The following ARHGEF18 variants were observed in gnomAD, a reference collection of about 807,000 sequenced individuals.
ARHGEF18 encodes the protein Rho/Rac guanine nucleotide exchange factor 18.
In ARHGEF18, 93 loss-of-function variants were observed where a neutral mutation model predicts 155.7. That is an observed-to-expected ratio of 0.60 (90% CI 0.50 to 0.71). ARHGEF18 has a LOEUF of 0.71. ARHGEF18 is among the 30% of genes least tolerant of loss of function. ARHGEF18 has a pLI of 0.00. For missense variants in ARHGEF18, 1,593 were observed against 1,816.1 expected (o/e 0.88, Z 2.23); for synonymous variants, 742 against 753.1 (o/e 0.99, Z 0.24).
At chr19:7,351,628 G>A (rs909035871) in intron 1 of ARHGEF18, among the ~76,000 whole-genome samples, 2 of 150,424 alleles carry the variant, frequency 1.3e-5, no homozygotes, top group Non-Finnish European at 3.0e-5. Context: ...CAGCTAGAGT[G>A]GACTTCTTAA....
rs1178947006 is a variant in ARHGEF18 at position 7,369,307 on chromosome 19, C to T, written c.16-3505C>T. On this transcript the variant is annotated intron_variant, in intron 2 of 28. Coordinates refer to ENST00000668164, the MANE Select transcript of ARHGEF18 (RefSeq NM_001367823.1). The stretch of plus-strand genomic sequence containing the variant: ...AGAAACCCTATCTCTACTAAAAATA[C>T]GAAATTAGCTGGGCGTGGTGGCACA... 4.0e-5 allele frequency among the ~76,000 whole-genome samples: 6 copies of T among 151,556 alleles called. No individual in the cohort carries two copies. In the South Asian group the frequency reaches 8.3e-4, roughly 21 times the overall value.
In ARHGEF18 at chr19:7,395,098, G is replaced by A. The variant is rs1351003548; in HGVS notation, c.967+11895G>A. The A allele has an allele frequency of 3.0e-6, 3 of 985,410 alleles. No homozygotes were observed. Among genetic ancestry groups the A allele is most frequent in the African/African-American group, 3.5e-5 (2 of 57,250 alleles). The allele number at this position is 985,410 out of a possible 1,614,324, so 61.0% of individuals were successfully genotyped here. A position where few individuals can be genotyped will look rare whatever the true frequency, so the allele number is the denominator to read the frequency against. On this transcript the variant is annotated intron_variant, in intron 10 of 28. Coordinates refer to ENST00000668164, the MANE Select transcript of ARHGEF18 (RefSeq NM_001367823.1). The surrounding 1 kb of genome is among the most constrained non-coding windows in gnomAD (Gnocchi z 5.0). Reference sequence around the variant, plus strand: ...TGCCCCGCCTCCGAGGCGGGATCGCGCATGCGCTGCTCTCCTCGCGCGGCT... The same window carrying A: ...TGCCCCGCCTCCGAGGCGGGATCGCACATGCGCTGCTCTCCTCGCGCGGCT...
chr19:7,391,455 C>T (rs1971396723), intron 10 of ARHGEF18, among the ~76,000 whole-genome samples: 1 of 152,252 alleles, frequency 6.6e-6, no homozygotes, highest in African/African-American at 2.4e-5. Flanking sequence ...TATAATTCAA[C>T]CCCACCTATC....
At position 7,453,574 on chromosome 19, in the gene ARHGEF18, A is replaced by G. The variant is rs1975637346; in HGVS notation, c.1963A>G (p.Arg655Gly). 1.2e-6 allele frequency: 2 copies of G among 1,614,050 alleles called. No homozygotes were observed. Among genetic ancestry groups the G allele is most frequent in the Non-Finnish European group, 8.5e-7 (1 of 1,179,936 alleles). ...VSECEKGQRLREIAGKMDLKS... is the reference protein window; with the variant it reads ...VSECEKGQRLGEIAGKMDLKS... The stretch of plus-strand genomic sequence containing the variant: ...TGAGTGTGAGAAGGGCCAGCGCCTC[A>G]GGGAGATCGCAGGGAAGATGGACCT... Residue 655 changes from arginine to glycine, a missense_variant, in exon 17 of 29, where the codon AGG (arginine) becomes GGG (glycine). Coordinates refer to ENST00000668164, the MANE Select transcript of ARHGEF18 (RefSeq NM_001367823.1).
In ARHGEF18 at chr19:7,422,367, G is replaced by A. The variant is rs369383116; in HGVS notation, c.968-17977G>A. Among the ~76,000 whole-genome samples the A allele has an allele frequency of 3.1e-4, 34 of 110,088 alleles. 1 individual carries two copies. In the East Asian group the frequency reaches 3.8e-3, roughly 12 times the overall value. 72.2% of individuals were successfully genotyped at this position (110,088 alleles called of 152,430 possible). A position where few individuals can be genotyped will look rare whatever the true frequency, so the allele number is the denominator to read the frequency against. On this transcript the variant is annotated intron_variant, in intron 10 of 28. Transcript: ENST00000668164. ...GCTCCCGCCCATGCCCCCCCGCCCC[G>A]CGCAGCCTTCTGTCCTGTAACCACC...
intron 10 of ARHGEF18, among the ~76,000 whole-genome samples, chr19:7,398,290 C>T (rs1229926256): frequency 1.3e-5 from 2 of 151,562 alleles, no homozygotes; most frequent in Non-Finnish European, 1.5e-5. Context: ...AGGCTGATGT[C>T]GAACTCCTGA....
Position 7,377,062 on chromosome 19 carries a change from TTCTC to T in ARHGEF18, c.541+309_541+312del, listed in dbSNP as rs547972451. Reference sequence around the variant, plus strand: ...ATGAGCTTGTCCCCAAGATTCTCTCTTCTCTCTATGACTCTTTTTTTTTTTTGAG... The same window carrying T: ...ATGAGCTTGTCCCCAAGATTCTCTCTTCTATGACTCTTTTTTTTTTTTGAG... On this transcript the variant is annotated intron_variant, in intron 5 of 28. Transcript: ENST00000668164. Among the ~76,000 whole-genome samples the T allele has an allele frequency of 5.4e-5, 8 of 147,416 alleles. No individual in the cohort carries two copies. The South Asian group carries it at 1.1e-3, about 19-fold the overall frequency.
At position 7,395,168 on chromosome 19, in the gene ARHGEF18, G is replaced by T. The variant is rs3810215; in HGVS notation, c.967+11965G>T. ...CTGCTAGCTACTGTGGATCTGGGGG[G>T]GCCGGACGGAGGCATCGGAGGCGGC... On this transcript the variant is annotated intron_variant, in intron 10 of 28. Coordinates refer to ENST00000668164, the MANE Select transcript of ARHGEF18 (RefSeq NM_001367823.1). This position sits in a 1 kb window ranked among gnomAD's most constrained non-coding sequence, Gnocchi z 5.0. 60 of 985,900 alleles carry T rather than the reference G, an allele frequency of 6.1e-5. No individual in the cohort carries two copies. The highest frequency in any genetic ancestry group is 1.2e-4 in the Admixed American group (2 of 16,280). The allele number at this position is 985,900 out of a possible 1,614,324, so 61.1% of individuals were successfully genotyped here. A position where few individuals can be genotyped will look rare whatever the true frequency, so the allele number is the denominator to read the frequency against.
downstream of ARHGEF18, among the ~76,000 whole-genome samples, chr19:7,474,616 G>T (rs1713096830): frequency 6.6e-6 from 1 of 151,968 alleles, no homozygotes; most frequent in South Asian, 2.1e-4. Context: ...AATCTCAGGT[G>T]ATCTGCCTGT....
chr19:7,479,016 G>A, the ARHGEF18 span, among the ~76,000 whole-genome samples: 2 of 152,248 alleles, frequency 1.3e-5, no homozygotes, highest in Admixed American at 6.5e-5. Flanking sequence ...AGCCTCGGCC[G>A]TGGGGTGTGC....
intron 10 of ARHGEF18, chr19:7,383,463 C>T (rs1032508648): frequency 1.2e-5 from 5 of 401,514 alleles, no homozygotes; most frequent in African/African-American, 2.1e-5. Context: ...GGACTTGAGC[C>T]GTGTATGAGT....
chr19:7,358,665 G>T (rs978769558), intron 1 of ARHGEF18, among the ~76,000 whole-genome samples: 9 of 152,292 alleles, frequency 5.9e-5, no homozygotes, highest in Middle Eastern at 3.4e-3. Flanking sequence ...CCTGGTGATT[G>T]GGATCTCTTC....
Position 7,451,158 on chromosome 19 carries a change from A to T in ARHGEF18, c.1747A>T (p.Asn583Tyr). 1 of 1,475,184 alleles carries T rather than the reference A, an allele frequency of 6.8e-7. No homozygotes were observed. The highest frequency in any genetic ancestry group is 8.9e-7 in the Non-Finnish European group (1 of 1,118,758). The allele number at this position is 1,475,184 out of a possible 1,614,324, so 91.4% of individuals were successfully genotyped here. ...KFQNLIKKIG[N>Y]FSIVRRLGVQ... Reference sequence around the variant, plus strand: ...GCTTTCTGTTTCCTAGAAAATTGGCAACTTCTCCATCGTGCGGCGGCTTGG... The same window carrying T: ...GCTTTCTGTTTCCTAGAAAATTGGCTACTTCTCCATCGTGCGGCGGCTTGG... Residue 583 changes from asparagine (N) to tyrosine (Y), a missense_variant, in exon 16 of 29, where the codon AAC (asparagine) becomes TAC (tyrosine). Transcript: ENST00000668164.
chr19:7,438,186 G>T (rs552726892), intron 10 of ARHGEF18, among the ~76,000 whole-genome samples: 1 of 144,064 alleles, frequency 6.9e-6, no homozygotes, highest in East Asian at 2.2e-4. Context: ...CTGCAGCCTT[G>T]AACTCCTGGG....
At chr19:7,411,455 C>T (rs1333842549) in intron 10 of ARHGEF18, among the ~76,000 whole-genome samples, 5 of 152,084 alleles carry the variant, frequency 3.3e-5, no homozygotes, top group African/African-American at 4.8e-5. Flanking sequence ...TACAGGTGCA[C>T]ACCACCATGT....
At chr19:7,439,811 T>C in intron 10 of ARHGEF18, 1 of 1,435,662 alleles carries the variant, frequency 7.0e-7, no homozygotes, top group Non-Finnish European at 9.1e-7. Context: ...GATCTTAGAC[T>C]ATTTACAGCA....
At chr19:7,414,447 C>G (rs146881370) in intron 10 of ARHGEF18, among the ~76,000 whole-genome samples, 1 of 152,018 alleles carries the variant, frequency 6.6e-6, no homozygotes, top group Non-Finnish European at 1.5e-5. Flanking sequence ...GAGGCCAAGG[C>G]GGGCAGATCA....
Position 7,447,110 on chromosome 19 carries a change from C to T in ARHGEF18, c.1679C>T (p.Ala560Val), listed in dbSNP as rs755001024. The T allele has an allele frequency of 1.2e-6, 2 of 1,613,548 alleles. No homozygotes were observed. Among genetic ancestry groups the T allele is most frequent in the East Asian group, 4.5e-5 (2 of 44,880 alleles). ...YGVFCSGHNE[A>V]VSHYKLLLQQ... ...GTGTTTTGTAGTGGCCACAATGAAG[C>T]TGTTAGTCATTACAAGTTGCTGCTT... The change falls in exon 15 of 29, where the codon GCT becomes GTT. Residue 560 changes from alanine to valine, a missense_variant. Coordinates refer to ENST00000668164, the MANE Select transcript of ARHGEF18 (RefSeq NM_001367823.1).
At chr19:7,411,951 T>A (rs981846404) in intron 10 of ARHGEF18, among the ~76,000 whole-genome samples, 2 of 152,218 alleles carry the variant, frequency 1.3e-5, no homozygotes, top group African/African-American at 4.8e-5. Flanking sequence ...TGAATAATAT[T>A]ACAGTGTGCG....
Sources: allele counts gnomAD v4.1 joint callset (sites outside exome capture counted in the v4.1 genomes callset), GRCh38; gene constraint gnomAD v4.1.1; non-coding constraint Gnocchi (gnomAD v3.1); transcripts MANE v1.5; gene names NCBI Gene and HGNC (gene_info 2026-07-23, HGNC 2026-07-21).